UBXN2B: variants seen among roughly 807,000 people sequenced by gnomAD.
The protein encoded by UBXN2B is UBX domain-containing protein 2B.
A neutral mutation model predicts 37.5 loss-of-function variants in UBXN2B; 19 were observed. The ratio of observed to expected loss-of-function variants is 0.51; its 90% CI spans 0.35 to 0.74. The LOEUF (loss-of-function observed/expected upper bound fraction) is 0.74. UBXN2B is among the 30% of genes least tolerant of loss of function. The pLI is 0.01. For missense variants in UBXN2B, 370 were observed against 393.2 expected (o/e 0.94, Z 0.50); for synonymous variants, 145 against 143.8 (o/e 1.01, Z -0.06).
chr8:58,430,267 C>A (rs1270717717), intron 2 of UBXN2B, among the ~76,000 whole-genome samples: 2 of 152,162 alleles, frequency 1.3e-5, no homozygotes, highest in African/African-American at 4.8e-5. Flanking sequence ...GATCAGCAAG[C>A]AAGCCAGTTG....
Position 58,450,641 on chromosome 8 carries a change from C to T in UBXN2B, c.*3090C>T, listed in dbSNP as rs1808781582. 1 of 152,246 alleles carries T rather than the reference C, an allele frequency of 6.6e-6. No homozygotes were observed. Among genetic ancestry groups the T allele is most frequent in the African/African-American group, 2.4e-5 (1 of 41,460 alleles). 9.4% of individuals were successfully genotyped at this position (152,246 alleles called of 1,614,324 possible). The stretch of plus-strand genomic sequence containing the variant: ...CTCCTCAGAATTCTTCCAGCCTCCA[C>T]CTACTGCCCAATTCCAGAGCCACTT... On this transcript the variant is annotated 3_prime_UTR_variant, in exon 8 of 8. Transcript: ENST00000399598.
rs1807631246 is a variant in UBXN2B, at chr8:58,411,408, A to G, written c.23A>G (p.Glu8Gly). 1 of 1,269,058 alleles carries G rather than the reference A, an allele frequency of 7.9e-7. No homozygotes were observed. Among genetic ancestry groups the G allele is most frequent in the Non-Finnish European group, 1.0e-6 (1 of 1,002,302 alleles). 78.6% of individuals were successfully genotyped at this position (1,269,058 alleles called of 1,614,324 possible). A position where few individuals can be genotyped will look rare whatever the true frequency, so the allele number is the denominator to read the frequency against. ...AAGATGGCGGAGGGCGGAGGCCCTG[A>G]GCCCGGCGAGCAGGAGAGGAGGTCT... MAEGGGPEPGEQERRSSG... is the reference protein window; with the variant it reads MAEGGGPGPGEQERRSSG... The change falls in exon 1 of 8, where the codon GAG becomes GGG. Residue 8 changes from glutamate (E) to glycine (G), a missense_variant. Physicochemically the swap from Glu to Gly is moderately conservative, Grantham distance 98. This residue lies in a region of UBXN2B where 197 missense variants were observed against 170.2 expected (regional missense o/e 1.16). Coordinates refer to ENST00000399598, the MANE Select transcript of UBXN2B (RefSeq NM_001077619.2).
intron 5 of UBXN2B, among the ~76,000 whole-genome samples, chr8:58,437,951 C>CA (rs200962765): frequency 0.026 from 1,245 of 48,540 alleles, 14 homozygotes; most frequent in African/African-American, 0.076. Context: ...TTTAAGGCAG[C>CA]CCCCCCCCCA....
intron 3 of UBXN2B, among the ~76,000 whole-genome samples, chr8:58,430,974 C>T (rs186279841): frequency 3.0e-4 from 45 of 152,278 alleles, no homozygotes; most frequent in African/African-American, 1.1e-3. Flanking sequence ...ATGGTTCCCC[C>T]CAATGGTTAC....
At chr8:58,414,355 T>C (rs967058529) in intron 1 of UBXN2B, among the ~76,000 whole-genome samples, 2 of 152,202 alleles carry the variant, frequency 1.3e-5, no homozygotes, top group African/African-American at 4.8e-5. Flanking sequence ...TATTACAGCG[T>C]CTAGAATTGG....
intron 2 of UBXN2B, among the ~76,000 whole-genome samples, chr8:58,427,313 A>T (rs1808127928): frequency 6.6e-6 from 1 of 152,166 alleles, no homozygotes; most frequent in Non-Finnish European, 1.5e-5. Flanking sequence ...TCTACAAAAA[A>T]ATAGCCAAGC....
chr8:58,424,852 G>A, intron 2 of UBXN2B: 1 of 1,344,086 alleles, frequency 7.4e-7, no homozygotes, highest in Non-Finnish European at 1.1e-6. Context: ...CTGTGTTTCT[G>A]TCTGGACCAT....
chr8:58,425,203 TC>T (rs1408825937), intron 2 of UBXN2B: 4 of 975,002 alleles, frequency 4.1e-6, no homozygotes, highest in Non-Finnish European at 6.7e-6. Flanking sequence ...AGCGGTGCTT[TC>T]TCTGATATTC....
chr8:58,435,040 C>A, intron 5 of UBXN2B: 1 of 1,463,174 alleles, frequency 6.8e-7, no homozygotes. Flanking sequence ...GCTCTTCTTG[C>A]TAAAGGATGA....
chr8:58,424,669 T>G (rs2129603948), intron 2 of UBXN2B: 4 of 1,144,408 alleles, frequency 3.5e-6, no homozygotes, highest in Non-Finnish European at 5.1e-6. Flanking sequence ...CTGCACAGCG[T>G]GGAGTTGGAG....
intron 4 of UBXN2B, 26 bp from the exon 5 acceptor site, chr8:58,434,364 TATATA>T (rs201076095): frequency 3.2e-4 from 192 of 600,118 alleles, no homozygotes; most frequent in Non-Finnish European, 3.1e-4. Flanking sequence ...TATATATATA[TATATA>T]TTTTTTTTTT....
Position 58,434,415 on chromosome 8 carries a change from G to A in UBXN2B, c.444G>A (p.Leu148=). 11 of 1,477,320 alleles carry A rather than the reference G, an allele frequency of 7.4e-6. No homozygotes were observed. The highest frequency in any genetic ancestry group is 1.5e-5 in the South Asian group (1 of 64,770). 91.5% of individuals were successfully genotyped at this position (1,477,320 alleles called of 1,614,324 possible). The change falls in exon 5 of 8, where the codon CTG becomes CTA. Residue 148 remains leucine, a synonymous_variant. Coordinates refer to ENST00000399598, the MANE Select transcript of UBXN2B (RefSeq NM_001077619.2). ...AAAAGGTTCAGATTTTGCTTAAACT[G>A]TGGAGCAATGGTTTCAGTTTAGATG... The part of the protein sequence containing the change: ...QLQDVQILLK[L]WSNGFSLDDG...
chr8:58,425,837 A>G (rs1808069038), intron 2 of UBXN2B: 1 of 1,168,634 alleles, frequency 8.6e-7, no homozygotes, highest in Non-Finnish European at 1.3e-6. Flanking sequence ...ATCGTATTTC[A>G]GTTCCTGACA....
In UBXN2B at chr8:58,413,075, T is replaced by G. The variant is rs147889154; in HGVS notation, c.84+1606T>G. On this transcript the variant is annotated intron_variant, in intron 1 of 7. Transcript: ENST00000399598. ...GATTCTTGGCAAATTGTTTGCAGTC[T>G]TAATCCAGTGGATCAAAGTACGATT... Among the ~76,000 whole-genome samples, 474 of 152,358 alleles carry G rather than the reference T, an allele frequency of 3.1e-3. 3 individuals carry two copies. Among genetic ancestry groups the G allele is most frequent in the African/African-American group, 0.011 (454 of 41,586 alleles).
At chr8:58,440,177 G>A (rs998802756) in intron 6 of UBXN2B, among the ~76,000 whole-genome samples, 24 of 152,212 alleles carry the variant, frequency 1.6e-4, no homozygotes, top group Non-Finnish European at 3.1e-4. Context: ...TACAGAGTTT[G>A]TGCTTTTCAC....
At chr8:58,446,560 CA>C (rs1808673227) in intron 7 of UBXN2B, among the ~76,000 whole-genome samples, 1 of 151,828 alleles carries the variant, frequency 6.6e-6, no homozygotes, top group Non-Finnish European at 1.5e-5. Context: ...TTGACTTGTA[CA>C]TCAACATTTG....
intron 2 of UBXN2B, among the ~76,000 whole-genome samples, 160 bp downstream of exon 2, chr8:58,417,113 ATTAAT>A (rs1457012566): frequency 3.9e-5 from 6 of 152,204 alleles, no homozygotes; most frequent in African/African-American, 1.4e-4. Flanking sequence ...AATAGAAATG[ATTAAT>A]ATCATTTAGG....
chr8:58,413,574 A>C (rs1807695926), intron 1 of UBXN2B, among the ~76,000 whole-genome samples: 1 of 152,130 alleles, frequency 6.6e-6, no homozygotes, highest in Non-Finnish European at 1.5e-5. Context: ...TAAAGGGGCA[A>C]CATATTACCA....
intron 2 of UBXN2B, among the ~76,000 whole-genome samples, chr8:58,419,106 A>G (rs1424504862): frequency 6.6e-6 from 1 of 152,216 alleles, no homozygotes; most frequent in Non-Finnish European, 1.5e-5. Context: ...GATTTCTAGA[A>G]TAATTTATCT....
Sources: gnomAD v4.1 joint callset for allele counts (sites outside exome capture counted in the v4.1 genomes callset) on GRCh38, gnomAD v4.1.1 for gene constraint, gnomAD v4.1.1 regional missense constraint, MANE v1.5 for transcripts, NCBI Gene and HGNC (gene_info 2026-07-23, HGNC 2026-07-21) for gene names.